The following NECTIN1 variants were observed in gnomAD, a reference collection of about 807,000 sequenced individuals.
NECTIN1 encodes the protein nectin-1.
Under a neutral mutation model 48.0 loss-of-function variants are expected in NECTIN1, and 23 were observed. The ratio of observed to expected loss-of-function variants is 0.48; its 90% CI spans 0.34 to 0.68. The LOEUF (loss-of-function observed/expected upper bound fraction) is 0.68. NECTIN1 is among the 30% of genes least tolerant of loss of function. The probability of loss-of-function intolerance (pLI) is 0.01; values close to 1 mark genes in which losing one functional copy is unlikely to be tolerated. For synonymous variants in NECTIN1, 270 were observed against 288.9 expected (o/e 0.93, Z 0.66); for missense variants, 591 against 709.9 (o/e 0.83, Z 1.90).
At chr11:119,648,222 A>ATG (rs1864424621) in intron 5 of NECTIN1, among the ~76,000 whole-genome samples, 1 of 85,144 alleles carries the variant, frequency 1.2e-5, no homozygotes, top group East Asian at 3.6e-4. Flanking sequence ...TGGTGGTGGC[A>ATG]GTGATGATGG....
rs552456370 is a variant in NECTIN1, at chr11:119,638,677, T to G, written c.1227+54A>C. On this transcript the variant is annotated intron_variant, in intron 7 of 7. Transcript: ENST00000341398. Reference sequence around the variant, plus strand: ...GCTCTCTCCTTGGGGCCATCTCCCATTTTTCTCCCTCCCCGCAGTCCAGGG... The same window carrying G: ...GCTCTCTCCTTGGGGCCATCTCCCAGTTTTCTCCCTCCCCGCAGTCCAGGG... The G allele has an allele frequency of 1.4e-4, 217 of 1,518,076 alleles. No homozygotes were observed. The African/African-American group carries it at 2.7e-3, about 19-fold the overall frequency. The allele number at this position is 1,518,076 out of a possible 1,614,324, so 94.0% of individuals were successfully genotyped here.
rs11217380 is a variant in NECTIN1 at position 119,661,446 on chromosome 11, A to G, written c.*3301T>C. 29,726 of 985,734 alleles carry G rather than the reference A, an allele frequency of 0.03. 5,691 individuals carry two copies. In the African/African-American group the frequency reaches 0.44, roughly 14 times the overall value. 61.1% of individuals were successfully genotyped at this position (985,734 alleles called of 1,614,324 possible). A position where few individuals can be genotyped will look rare whatever the true frequency, so the allele number is the denominator to read the frequency against. On this transcript the variant is annotated 3_prime_UTR_variant, in exon 6 of 6. Transcript: ENST00000264025. The stretch of plus-strand genomic sequence containing the variant: ...CCCTGTGGGTGTGGGGACCTGGGGC[A>G]CACCCACCTGCCCCTCACTAGGAGA...
chr11:119,663,720 A>G lies in NECTIN1; in HGVS notation c.*1027T>C. ...CCAAGTGTTGCTAGATAAGGGAGAA[A>G]TCAGAGAAACCTCCACGCTGTAAGA... On this transcript the variant is annotated 3_prime_UTR_variant, in exon 6 of 6. Coordinates refer to ENST00000264025, the MANE Select transcript of NECTIN1 (RefSeq NM_002855.5). The G allele has an allele frequency of 2.0e-6, 2 of 985,450 alleles. No homozygotes were observed. The highest frequency in any genetic ancestry group is 2.4e-6 in the Non-Finnish European group (2 of 829,934). 61.0% of individuals were successfully genotyped at this position (985,450 alleles called of 1,614,324 possible).
chr11:119,719,910 A>C (rs1200109746), intron 1 of NECTIN1, among the ~76,000 whole-genome samples: 1 of 152,258 alleles, frequency 6.6e-6, no homozygotes, highest in East Asian at 1.9e-4. Flanking sequence ...TTCACAATAG[A>C]AGTGGCTCTT....
chr11:119,639,598 T>C, intron 6 of NECTIN1: 2 of 538,888 alleles, frequency 3.7e-6, no homozygotes, highest in South Asian at 4.1e-5. Flanking sequence ...TGGATGGTAA[T>C]CATGCACCTG....
Position 119,665,119 on chromosome 11 carries a change from G to A in NECTIN1, c.1182C>T (p.His394=), listed in dbSNP as rs761931104. The A allele has an allele frequency of 7.2e-5, 117 of 1,613,870 alleles. No homozygotes were observed. The highest frequency in any genetic ancestry group is 8.3e-5 in the Non-Finnish European group (98 of 1,180,002). The change falls in exon 6 of 6, where the codon CAC becomes CAT. Residue 394 remains histidine, a synonymous_variant. Transcript: ENST00000264025. This position sits in a 1 kb window ranked among gnomAD's most constrained non-coding sequence, Gnocchi z 5.1. ...TFKGDYSTKK[H]VYGNGYSKAG... ...CCTTGCTGTAGCCGTTGCCATACAC[G>A]TGCTTCTTGGTGCTGTAGTCACCCT...
intron 1 of NECTIN1, among the ~76,000 whole-genome samples, chr11:119,705,984 A>C (rs2134327040): frequency 6.6e-6 from 1 of 152,362 alleles, no homozygotes; most frequent in East Asian, 1.9e-4. Flanking sequence ...GGGGTGAAGA[A>C]GAAGCCCTGC....
In NECTIN1 at chr11:119,727,839, G is replaced by A. The variant is rs1174256735; in HGVS notation, c.79+636C>T. Among the ~76,000 whole-genome samples, 1 of 152,234 alleles carries A rather than the reference G, an allele frequency of 6.6e-6. No individual in the cohort carries two copies. Among genetic ancestry groups the A allele is most frequent in the Non-Finnish European group, 1.5e-5 (1 of 68,032 alleles). On this transcript the variant is annotated intron_variant, in intron 1 of 5. Transcript: ENST00000264025. The surrounding 1 kb of genome is among the most constrained non-coding windows in gnomAD (Gnocchi z 4.1). ...CAGAGCTGGGAGCAGAGTTCCGAGG[G>A]GGAGCCCGGTCCCGCGCCAGGCCGG...
Position 119,662,188 on chromosome 11 carries a change from G to A in NECTIN1, c.*2559C>T. 1 of 985,496 alleles carries A rather than the reference G, an allele frequency of 1.0e-6. No homozygotes were observed. The highest frequency in any genetic ancestry group is 1.2e-6 in the Non-Finnish European group (1 of 829,952). The allele number at this position is 985,496 out of a possible 1,614,324, so 61.0% of individuals were successfully genotyped here. A position where few individuals can be genotyped will look rare whatever the true frequency, so the allele number is the denominator to read the frequency against. On this transcript the variant is annotated 3_prime_UTR_variant, in exon 6 of 6. Coordinates refer to ENST00000264025, the MANE Select transcript of NECTIN1 (RefSeq NM_002855.5). This position sits in a 1 kb window ranked among gnomAD's most constrained non-coding sequence, Gnocchi z 5.3. Reference sequence around the variant, plus strand: ...GCTCAGCTCATGCTGTGGGCATGAAGGAGAAGCAAAATGTCCTCATCTCTC... The same window carrying A: ...GCTCAGCTCATGCTGTGGGCATGAAAGAGAAGCAAAATGTCCTCATCTCTC...
In NECTIN1 at chr11:119,664,938, C is replaced by T. The variant is rs150020241; in HGVS notation, c.1363G>A (p.Gly455Ser). 3.3e-5 allele frequency: 53 copies of T among 1,613,664 alleles called. No homozygotes were observed. The highest frequency in any genetic ancestry group is 2.8e-4 in the African/African-American group (21 of 74,982). Reference protein sequence around the residue: ...GGGGGERKVGGPHPKYDEDAK... With the variant: ...GGGGGERKVGSPHPKYDEDAK... ...TCCTCGTCATATTTGGGGTGGGGGC[C>T]GCCCACCTTGCGCTCGCCCCCTCCA... The change falls in exon 6 of 6, where the codon GGC becomes AGC. Residue 455 changes from glycine to serine, a missense_variant. Transcript: ENST00000264025.
intron 7 of NECTIN1, chr11:119,638,374 C>A: frequency 1.6e-6 from 2 of 1,253,418 alleles, no homozygotes; most frequent in Non-Finnish European, 1.1e-6. Flanking sequence ...ATCCCCCACA[C>A]TGGTGACTGT....
At chr11:119,666,695 C>T (rs1310598072) in intron 5 of NECTIN1, among the ~76,000 whole-genome samples, 1 of 152,352 alleles carries the variant, frequency 6.6e-6, no homozygotes, top group South Asian at 2.1e-4. Context: ...CCAGTTTGCC[C>T]GTATACTGTT....
At chr11:119,695,197 CA>C (rs1865322249) in intron 1 of NECTIN1, among the ~76,000 whole-genome samples, 1 of 152,172 alleles carries the variant, frequency 6.6e-6, no homozygotes, top group Non-Finnish European at 1.5e-5. Flanking sequence ...TCTTGTTACA[CA>C]AGTCCCCGGT....
At chr11:119,717,185 C>T (rs544545051) in intron 1 of NECTIN1, among the ~76,000 whole-genome samples, 16 of 152,238 alleles carry the variant, frequency 1.1e-4, no homozygotes, top group Non-Finnish European at 1.6e-4. Flanking sequence ...TCATCACCGC[C>T]CCTTCAGGAC....
At chr11:119,714,120 C>G (rs1203636909) in intron 1 of NECTIN1, among the ~76,000 whole-genome samples, 1 of 152,130 alleles carries the variant, frequency 6.6e-6, no homozygotes, top group Non-Finnish European at 1.5e-5. Context: ...GTCAGTCCCA[C>G]CAAAGAAGCA....
At chr11:119,670,642 T>TC (rs1437277148) in intron 5 of NECTIN1, among the ~76,000 whole-genome samples, 1 of 103,540 alleles carries the variant, frequency 9.7e-6, no homozygotes, top group East Asian at 3.0e-4. Flanking sequence ...TTTTCCTAAG[T>TC]CCTTTTTTTT....
At chr11:119,646,383 C>T (rs1591437275) in intron 5 of NECTIN1, among the ~76,000 whole-genome samples, 1 of 152,204 alleles carries the variant, frequency 6.6e-6, no homozygotes, top group African/African-American at 2.4e-5. Flanking sequence ...TTGTTATTAG[C>T]TGTTCAATAA....
chr11:119,665,178 C>T lies in NECTIN1; in HGVS notation c.1123G>A (p.Val375Met), dbSNP rs145005973. The T allele has an allele frequency of 1.7e-4, 281 of 1,609,936 alleles. No homozygotes were observed. The highest frequency in any genetic ancestry group is 2.2e-4 in the Non-Finnish European group (265 of 1,179,866). Residue 375 changes from valine (V) to methionine (M), a missense_variant, in exon 6 of 6, where the codon GTG becomes ATG. Val to Met is a conservative substitution (Grantham distance 21, BLOSUM62 1). Transcript: ENST00000264025. The surrounding 1 kb of genome is among the most constrained non-coding windows in gnomAD (Gnocchi z 5.1). ...TGCCGGCGCCGACGCAGGGCGACCA[C>T]GATCCCGCCGACCACAATCAACACC... ...LLVLIVVGGI[V>M]VALRRRRHTF...
At chr11:119,708,772 A>C (rs1051475102) in intron 1 of NECTIN1, among the ~76,000 whole-genome samples, 1 of 152,166 alleles carries the variant, frequency 6.6e-6, no homozygotes. Context: ...TGCGAATTAT[A>C]TCTCAACAAA....
Sources: gnomAD v4.1 joint callset for allele counts (sites outside exome capture counted in the v4.1 genomes callset) on GRCh38, gnomAD v4.1.1 for gene constraint, Gnocchi (gnomAD v3.1) non-coding constraint, MANE v1.5 for transcripts, NCBI Gene and HGNC (gene_info 2026-07-23, HGNC 2026-07-21) for gene names.